The following PDSS2 variants were observed in gnomAD, a reference collection of about 807,000 sequenced individuals.
The protein encoded by PDSS2 is decaprenyl diphosphate synthase subunit 2.
A neutral mutation model predicts 44.5 loss-of-function variants in PDSS2; 31 were observed. The observed-to-expected ratio is 0.70, with a 90% CI of 0.52 to 0.94. The LOEUF is 0.94. Ranked by LOEUF, PDSS2 falls within the 40% of genes least tolerant of loss-of-function variation. PDSS2 has a pLI of 0.00. For missense variants in PDSS2, 452 were observed against 482.2 expected, an observed-to-expected ratio of 0.94 and a Z score of 0.59; for synonymous variants, 157 against 180.3, an observed-to-expected ratio of 0.87 and a Z score of 1.03.
chr6:107,390,351 T>C (rs1004591648), intron 1 of PDSS2, among the ~76,000 whole-genome samples: 1 of 152,084 alleles, frequency 6.6e-6, no homozygotes, highest in South Asian at 2.1e-4. Flanking sequence ...CATCTCTGTA[T>C]CATTCTGAAA....
At chr6:107,337,039 C>CCACACACACA (rs71861456) in intron 1 of PDSS2, among the ~76,000 whole-genome samples, 49 of 141,614 alleles carry the variant, frequency 3.5e-4, no homozygotes, top group African/African-American at 7.6e-4. Context: ...CTTTCACATA[C>CCACACACACA]CACACACACA....
chr6:107,434,258 T>C (rs966350392), intron 1 of PDSS2, among the ~76,000 whole-genome samples: 3 of 152,226 alleles, frequency 2.0e-5, no homozygotes, highest in Admixed American at 6.5e-5. Flanking sequence ...GCTGGGTATA[T>C]GCCCAAAAGA....
chr6:107,278,885 A>G (rs1462752850), intron 2 of PDSS2, among the ~76,000 whole-genome samples: 1 of 152,216 alleles, frequency 6.6e-6, no homozygotes, highest in Non-Finnish European at 1.5e-5. Flanking sequence ...GAGTTTATAC[A>G]AGGCAAAGCT....
Position 107,433,593 on chromosome 6 carries a change from T to C in PDSS2, c.296+25397A>G, listed in dbSNP as rs537333988. On this transcript the variant is annotated intron_variant, in intron 1 of 7. Coordinates refer to ENST00000369037, the MANE Select transcript of PDSS2 (RefSeq NM_020381.4). ...GCAAAAGAATGAAACCAGACCTTTA[T>C]CTCTCACTATACACAAAAATCAAAT... Among the ~76,000 whole-genome samples the C allele has an allele frequency of 6.6e-5, 10 of 152,300 alleles. No homozygotes were observed. The South Asian group carries it at 2.1e-3, about 32-fold the overall frequency.
intron 4 of PDSS2, among the ~76,000 whole-genome samples, chr6:107,242,408 C>T (rs1269531609): frequency 2.0e-5 from 3 of 151,932 alleles, no homozygotes; most frequent in South Asian, 2.1e-4. Context: ...GGACCACAGG[C>T]GCCCGCCACT....
intron 2 of PDSS2, among the ~76,000 whole-genome samples, chr6:107,288,751 T>C (rs1476714804): frequency 7.2e-6 from 1 of 137,976 alleles, no homozygotes; most frequent in Admixed American, 7.4e-5. Context: ...CGGGACGAAA[T>C]TGTTTTTTTT....
intron 4 of PDSS2, among the ~76,000 whole-genome samples, chr6:107,215,451 G>T (rs866080373): frequency 6.6e-6 from 1 of 152,148 alleles, no homozygotes; most frequent in Non-Finnish European, 1.5e-5. Flanking sequence ...GGGTGTGTGT[G>T]TCAGCCCAAA....
intron 3 of PDSS2, among the ~76,000 whole-genome samples, chr6:107,257,242 A>G (rs1775053560): frequency 6.6e-6 from 1 of 151,814 alleles, no homozygotes; most frequent in Non-Finnish European, 1.5e-5. Flanking sequence ...CTTGGATCAA[A>G]TAATGGATAC....
rs113843128 is a variant in PDSS2 at position 107,365,749 on chromosome 6, C to T, written c.297-31417G>A. ...CTATATTAATGTCAGACTAAATAGA[C>T]ACTTAGATAAGAAATATTACTGGAG... On this transcript the variant is annotated intron_variant, in intron 1 of 7. Coordinates refer to ENST00000369037, the MANE Select transcript of PDSS2 (RefSeq NM_020381.4). Among the ~76,000 whole-genome samples the T allele has an allele frequency of 9.1e-3, 1,380 of 152,252 alleles. 17 individuals are homozygous for T. Among genetic ancestry groups the T allele is most frequent in the African/African-American group, 0.029 (1,186 of 41,556 alleles).
chr6:107,347,347 G>GGGTTCAAGCGATTCTCCC (rs1332800915), intron 1 of PDSS2, among the ~76,000 whole-genome samples: 4 of 146,780 alleles, frequency 2.7e-5, no homozygotes, highest in African/African-American at 1.0e-4. Context: ...TCCACATCCC[G>GGGTTCAAGCGATTCTCCC]GGTTCAAGCG....
chr6:107,346,620 C>G (rs909514347), intron 1 of PDSS2, among the ~76,000 whole-genome samples: 9 of 152,254 alleles, frequency 5.9e-5, no homozygotes, highest in Middle Eastern at 3.4e-3. Flanking sequence ...AATAACACAA[C>G]CTGCCTAAAA....
intron 1 of PDSS2, among the ~76,000 whole-genome samples, chr6:107,428,324 C>T (rs773980082): frequency 2.0e-5 from 3 of 152,212 alleles, no homozygotes; most frequent in Non-Finnish European, 4.4e-5. Context: ...TTCTTTTGTG[C>T]TCTGTTTTTA....
chr6:107,411,647 C>A (rs758048878), intron 1 of PDSS2, among the ~76,000 whole-genome samples: 5 of 151,994 alleles, frequency 3.3e-5, no homozygotes, highest in Non-Finnish European at 5.9e-5. Context: ...TGTCATTATT[C>A]CCTAAACAAT....
chr6:107,384,282 G>T (rs1025177338), intron 1 of PDSS2, among the ~76,000 whole-genome samples: 1 of 152,070 alleles, frequency 6.6e-6, no homozygotes. Flanking sequence ...TTTTTGAGGG[G>T]AGTGGTAGAA....
In PDSS2 at chr6:107,459,556, T is replaced by C. The variant is rs891559835; in HGVS notation, c.-271A>G. The C allele has an allele frequency of 4.0e-6, 2 of 500,062 alleles. No homozygotes were observed. The highest frequency in any genetic ancestry group is 3.6e-6 in the Non-Finnish European group (1 of 278,410). 31.0% of individuals were successfully genotyped at this position (500,062 alleles called of 1,614,324 possible). ...ACTGCCTATGTGGAGGACGCCATAT[T>C]GGAGGCATGGAATGCGGCCTGCCGT... On this transcript the variant is annotated 5_prime_UTR_variant, in exon 1 of 8. Coordinates refer to ENST00000369037, the MANE Select transcript of PDSS2 (RefSeq NM_020381.4). The surrounding 1 kb of genome is among the most constrained non-coding windows in gnomAD (Gnocchi z 4.3).
chr6:107,407,663 G>A (rs1471505149), intron 1 of PDSS2, among the ~76,000 whole-genome samples: 2 of 152,150 alleles, frequency 1.3e-5, no homozygotes, highest in African/African-American at 4.8e-5. Context: ...AGTCCTGGAG[G>A]TAACACAAAT....
chr6:107,289,352 AAC>A (rs1776267725), intron 2 of PDSS2, among the ~76,000 whole-genome samples: 1 of 135,798 alleles, frequency 7.4e-6, no homozygotes, highest in African/African-American at 2.8e-5. Context: ...CAGCCTGGGT[AAC>A]AGAGCGAGAC....
At chr6:107,392,044 TA>T (rs559020536) in intron 1 of PDSS2, among the ~76,000 whole-genome samples, 2 of 151,886 alleles carry the variant, frequency 1.3e-5, no homozygotes, top group African/African-American at 4.8e-5. Context: ...CATTTCTTTA[TA>T]AAAAAAACAA....
rs112450455 is a variant in PDSS2, at chr6:107,353,427, C to T, written c.297-19095G>A. On this transcript the variant is annotated intron_variant, in intron 1 of 7. Transcript: ENST00000369037. Reference sequence around the variant, plus strand: ...ATAGCCATGCTTTAAAAAGTCATAACCATTCTATTTAAAGCTTAAAGCCAA... The same window carrying T: ...ATAGCCATGCTTTAAAAAGTCATAATCATTCTATTTAAAGCTTAAAGCCAA... 9.1e-3 allele frequency among the ~76,000 whole-genome samples: 1,389 copies of T among 152,250 alleles called. 17 individuals are homozygous for T. The highest frequency in any genetic ancestry group is 0.029 in the African/African-American group (1,195 of 41,550).
Sources: gnomAD v4.1 joint callset for allele counts (sites outside exome capture counted in the v4.1 genomes callset) on GRCh38, gnomAD v4.1.1 for gene constraint, Gnocchi (gnomAD v3.1) non-coding constraint, MANE v1.5 for transcripts, NCBI Gene and HGNC (gene_info 2026-07-23, HGNC 2026-07-21) for gene names.